The following FBXL2 variants were observed in gnomAD, a reference collection of about 807,000 sequenced individuals.
FBXL2 encodes the protein F-box and leucine rich repeat protein 2, also known as F-box/LRR-repeat protein 2.
FBXL2 carries 38 observed loss-of-function variants against 69.2 expected under a neutral mutation model. The ratio of observed to expected loss-of-function variants is 0.55; its 90% CI spans 0.42 to 0.72. FBXL2 has a LOEUF of 0.72. FBXL2 is among the 30% of genes least tolerant of loss of function. The pLI is 0.00. For missense variants in FBXL2, 354 were observed against 520.3 expected, an observed-to-expected ratio of 0.68 and a Z score of 3.11; for synonymous variants, 192 against 201.3, an observed-to-expected ratio of 0.95 and a Z score of 0.39.
At chr3:33,337,177 C>T (rs1423127691) in intron 2 of FBXL2, among the ~76,000 whole-genome samples, 2 of 152,076 alleles carry the variant, frequency 1.3e-5, no homozygotes, top group East Asian at 3.8e-4. Flanking sequence ...TGCACTCCAG[C>T]CTGGGCGACA....
intron 13 of FBXL2, among the ~76,000 whole-genome samples, chr3:33,382,301 G>A (rs547839300): frequency 6.6e-6 from 1 of 152,142 alleles, no homozygotes; most frequent in Admixed American, 6.5e-5. Flanking sequence ...ATTTATCATT[G>A]GTGTATAGAT....
chr3:33,373,611 C>G lies in FBXL2; in HGVS notation c.489C>G (p.Leu163=). The change falls in exon 8 of 15, where the codon CTC becomes CTG. Residue 163 remains leucine, a synonymous_variant. Coordinates refer to ENST00000484457, the MANE Select transcript of FBXL2 (RefSeq NM_012157.5). ...GCCGAAACCTGGAGTACCTGAACCT[C>G]TCTTGGTGTGATCAGATCACGAAGG... ...EGCRNLEYLN[L]SWCDQITKDG... 7 of 1,614,192 alleles carry G rather than the reference C, an allele frequency of 4.3e-6. No homozygotes were observed. Among genetic ancestry groups the G allele is most frequent in the Non-Finnish European group, 5.9e-6 (7 of 1,180,038 alleles).
chr3:33,286,448 A>C (rs1197272032), intron 1 of FBXL2, among the ~76,000 whole-genome samples: 1 of 152,178 alleles, frequency 6.6e-6, no homozygotes, highest in Non-Finnish European at 1.5e-5. Context: ...GTCGGCCTCT[A>C]CTGGGAGATG....
intron 2 of FBXL2, among the ~76,000 whole-genome samples, chr3:33,346,782 A>G (rs1388179704): frequency 6.6e-6 from 1 of 151,834 alleles, no homozygotes; most frequent in Non-Finnish European, 1.5e-5. Flanking sequence ...CATGGGCATT[A>G]GAAGGATAAT....
chr3:33,373,375 G>A lies in FBXL2; in HGVS notation c.455+20G>A. ...GATCAGGTAAGAGTGCCCATTGTTT[G>A]TGTCAAGAGAAATACCCAAAGCTAT... On this transcript the variant is annotated intron_variant, in intron 7 of 14. Coordinates refer to ENST00000484457, the MANE Select transcript of FBXL2 (RefSeq NM_012157.5). The A allele has an allele frequency of 1.3e-6, 2 of 1,580,076 alleles. No individual in the cohort carries two copies. Among genetic ancestry groups the A allele is most frequent in the Non-Finnish European group, 1.7e-6 (2 of 1,148,918 alleles).
intron 2 of FBXL2, among the ~76,000 whole-genome samples, chr3:33,314,368 C>A (rs868130907): frequency 6.6e-6 from 1 of 152,252 alleles, no homozygotes; most frequent in East Asian, 1.9e-4. Context: ...CTACTCTCCT[C>A]TTCTATGAGT....
chr3:33,278,396 A>G (rs2033563912), intron 1 of FBXL2: 1 of 152,244 alleles, frequency 6.6e-6, no homozygotes, highest in South Asian at 2.1e-4. Flanking sequence ...TTGAGGAGGT[A>G]TGGCGGTAGG....
chr3:33,287,881 CTT>C (rs1031807051), intron 1 of FBXL2, among the ~76,000 whole-genome samples: 1 of 152,132 alleles, frequency 6.6e-6, no homozygotes, highest in African/African-American at 2.4e-5. Context: ...TCAGCAGTCT[CTT>C]TTAAATTTTA....
chr3:33,308,802 C>T (rs764436505), intron 2 of FBXL2, among the ~76,000 whole-genome samples: 1 of 152,104 alleles, frequency 6.6e-6, no homozygotes, highest in Non-Finnish European at 1.5e-5. Context: ...TGTCCATTTT[C>T]ATTTATTGCA....
chr3:33,379,329 G>A (rs948598393), intron 13 of FBXL2, among the ~76,000 whole-genome samples: 15 of 151,836 alleles, frequency 9.9e-5, no homozygotes, highest in Non-Finnish European at 1.6e-4. Context: ...TATACACTCT[G>A]TTTTAGGAAA....
chr3:33,410,884 C>CA, the FBXL2 span, among the ~76,000 whole-genome samples: 1 of 151,866 alleles, frequency 6.6e-6, no homozygotes, highest in African/African-American at 2.4e-5. Flanking sequence ...CCAGTCTGGC[C>CA]AATATGGTGA....
At chr3:33,347,638 A>G (rs1053074302) in intron 2 of FBXL2, among the ~76,000 whole-genome samples, 1 of 152,090 alleles carries the variant, frequency 6.6e-6, no homozygotes, top group Non-Finnish European at 1.5e-5. Context: ...TTTCCCACCA[A>G]CAGTGTGTGA....
intron 1 of FBXL2, among the ~76,000 whole-genome samples, chr3:33,279,798 C>G (rs1030980696): frequency 6.6e-6 from 1 of 151,990 alleles, no homozygotes; most frequent in Non-Finnish European, 1.5e-5. Flanking sequence ...TTCTAAGAGT[C>G]GTAAATGATC....
In FBXL2 at chr3:33,375,308, G is replaced by C. The variant is rs368506769; in HGVS notation, c.678G>C (p.Val226=). ...CTCAGCGTATCACGGATGAAGGTGT[G>C]GTGCAGATATGCAGGGGCTGTCACC... ...QSCSRITDEG[V]VQICRGCHRL... The change falls in exon 10 of 15, where the codon GTG becomes GTC. Residue 226 remains valine (V), a synonymous_variant. Transcript: ENST00000484457. The C allele has an allele frequency of 2.9e-5, 46 of 1,613,962 alleles. No individual in the cohort carries two copies. The highest frequency in any genetic ancestry group is 2.7e-5 in the Non-Finnish European group (32 of 1,179,944).
At chr3:33,409,544 G>A in the FBXL2 span, 2 of 1,614,094 alleles carry the variant, frequency 1.2e-6, no homozygotes, top group South Asian at 1.1e-5. Flanking sequence ...ATCCTAAAGG[G>A]CACTCCCTTT....
chr3:33,377,364 A>C, intron 11 of FBXL2, 31 bp downstream of exon 11: 1 of 1,601,622 alleles, frequency 6.2e-7, no homozygotes, highest in South Asian at 1.1e-5. Context: ...ATACAACCAA[A>C]CTCTAATTCA....
At chr3:33,416,844 G>T in the FBXL2 span, 1 of 1,609,238 alleles carries the variant, frequency 6.2e-7, no homozygotes, top group East Asian at 2.2e-5. Flanking sequence ...CCTATTTAAA[G>T]AAATTGTGTA....
downstream of FBXL2, chr3:33,392,698 CTCAA>C: frequency 7.6e-7 from 1 of 1,317,920 alleles, no homozygotes; most frequent in Admixed American, 2.1e-5. Context: ...AAATATTCTT[CTCAA>C]ACAAACACAG....
At chr3:33,377,835 G>A (rs2042745536) in intron 11 of FBXL2, among the ~76,000 whole-genome samples, 2 of 152,240 alleles carry the variant, frequency 1.3e-5, no homozygotes, top group Non-Finnish European at 1.5e-5. Flanking sequence ...ATGTCTGCGA[G>A]CCACTGGGAA....
Sources: allele counts gnomAD v4.1 joint callset (sites outside exome capture counted in the v4.1 genomes callset), GRCh38; gene constraint gnomAD v4.1.1; transcripts MANE v1.5; gene names NCBI Gene and HGNC (gene_info 2026-07-23, HGNC 2026-07-21).